Variants in LMNTD1 observed in about 807,000 individuals in gnomAD.
LMNTD1 encodes lamin tail domain-containing protein 1.
Under a neutral mutation model 50.9 loss-of-function variants are expected in LMNTD1, and 35 were observed. That is an observed-to-expected ratio of 0.69 (90% CI 0.53 to 0.91). The LOEUF (loss-of-function observed/expected upper bound fraction) is 0.91. Ranked by LOEUF, LMNTD1 falls within the 40% of genes least tolerant of loss-of-function variation. The probability of loss-of-function intolerance (pLI) is 0.00; values close to 1 mark genes in which losing one functional copy is unlikely to be tolerated. For missense variants in LMNTD1, 470 were observed against 475.5 expected (o/e 0.99, Z 0.11); for synonymous variants, 153 against 161.9 (o/e 0.94, Z 0.42).
intron 1 of LMNTD1, among the ~76,000 whole-genome samples, chr12:25,608,842 T>C (rs1946179517): frequency 6.6e-6 from 1 of 152,210 alleles, no homozygotes; most frequent in Non-Finnish European, 1.5e-5. Flanking sequence ...GCATTCTCTG[T>C]ATTTCCTGAA....
chr12:25,477,202 A>G (rs569562131), intron 9 of LMNTD1, among the ~76,000 whole-genome samples: 1 of 152,248 alleles, frequency 6.6e-6, no homozygotes, highest in Non-Finnish European at 1.5e-5. Context: ...AAGTTTGTCA[A>G]TGAAGAGAGA....
intron 6 of LMNTD1, among the ~76,000 whole-genome samples, chr12:25,522,480 G>C (rs1941391570): frequency 6.6e-6 from 1 of 152,188 alleles, no homozygotes. Flanking sequence ...AAATTATTGA[G>C]AGTTAGAAGA....
intron 1 of LMNTD1, among the ~76,000 whole-genome samples, chr12:25,636,629 T>G (rs1232010582): frequency 6.6e-6 from 1 of 152,178 alleles, no homozygotes; most frequent in Non-Finnish European, 1.5e-5. Context: ...ATCTCACTAC[T>G]GGGTATCTGC....
At chr12:25,499,369 T>C (rs1565942589) in intron 9 of LMNTD1, among the ~76,000 whole-genome samples, 1 of 152,200 alleles carries the variant, frequency 6.6e-6, no homozygotes, top group East Asian at 1.9e-4. Flanking sequence ...GAGGAAATTA[T>C]GAGAACTCAA....
At chr12:25,645,900 G>C (rs929791373) in intron 1 of LMNTD1, among the ~76,000 whole-genome samples, 1 of 152,156 alleles carries the variant, frequency 6.6e-6, no homozygotes, top group Non-Finnish European at 1.5e-5. Context: ...TGTCACTACT[G>C]CTGCATGGTA....
At chr12:25,593,979 G>A (rs188571162) in intron 1 of LMNTD1, among the ~76,000 whole-genome samples, 64 of 152,198 alleles carry the variant, frequency 4.2e-4, no homozygotes, top group African/African-American at 1.5e-3. Context: ...TTCAGAGCTC[G>A]AAGACAAGGT....
intron 1 of LMNTD1, among the ~76,000 whole-genome samples, chr12:25,570,244 T>C (rs1944732093): frequency 6.6e-6 from 1 of 152,162 alleles, no homozygotes; most frequent in Non-Finnish European, 1.5e-5. Context: ...TAGCTGCGAA[T>C]AAAAAATAAA....
Position 25,548,936 on chromosome 12 carries a change from G to A in LMNTD1, c.310+390C>T, listed in dbSNP as rs942615778. On this transcript the variant is annotated intron_variant, in intron 3 of 9. Coordinates refer to ENST00000458174, the MANE Select transcript of LMNTD1 (RefSeq NM_001145728.2). ...ATTCGTTACTTAAGCCATACATCTC[G>A]TAAAGGCACAAAATACACAATCCTT... is the stretch of plus-strand genomic sequence containing the variant. 4.0e-5 allele frequency among the ~76,000 whole-genome samples: 6 copies of A among 151,628 alleles called. No individual in the cohort carries two copies. The East Asian group carries it at 5.8e-4, about 15-fold the overall frequency.
chr12:25,533,011 A>T (rs1037517352), intron 4 of LMNTD1, among the ~76,000 whole-genome samples: 2 of 152,182 alleles, frequency 1.3e-5, no homozygotes. Context: ...GGATATTTAC[A>T]GTTGCTTTTC....
At chr12:25,527,675 TATATATACACACACACACACACACAC>T (rs1941881824) in intron 4 of LMNTD1, among the ~76,000 whole-genome samples, 1 of 22,004 alleles carries the variant, frequency 4.5e-5, no homozygotes, top group African/African-American at 1.2e-4. Flanking sequence ...TATATATATA[TATATATACACACACACACACACACAC>T]ACACACACAC....
chr12:25,525,550 G>C (rs2136077730), intron 6 of LMNTD1, among the ~76,000 whole-genome samples: 1 of 152,244 alleles, frequency 6.6e-6, no homozygotes, highest in South Asian at 2.1e-4. Flanking sequence ...AAGTTGAAGA[G>C]GCTTCTTAGG....
intron 1 of LMNTD1, among the ~76,000 whole-genome samples, chr12:25,602,972 C>A (rs573030476): frequency 6.6e-6 from 1 of 151,884 alleles, no homozygotes; most frequent in East Asian, 1.9e-4. Flanking sequence ...CAGCAATTTG[C>A]CAAACAGAAA....
chr12:25,639,591 C>T (rs1946909629), intron 1 of LMNTD1, among the ~76,000 whole-genome samples: 1 of 152,080 alleles, frequency 6.6e-6, no homozygotes, highest in African/African-American at 2.4e-5. Flanking sequence ...GAAATCAAAA[C>T]CACAATAAGA....
Position 25,493,240 on chromosome 12 carries a change from A to G in LMNTD1, c.*22+10498T>C, listed in dbSNP as rs578104036. Reference sequence around the variant, plus strand: ...ACATTATTTTCATGCTTAGTGTATAATAGATGCTCAAAAAATATCTGATGA... The same window carrying G: ...ACATTATTTTCATGCTTAGTGTATAGTAGATGCTCAAAAAATATCTGATGA... On this transcript the variant is annotated intron_variant, in intron 9 of 9. Coordinates refer to ENST00000458174, the MANE Select transcript of LMNTD1 (RefSeq NM_001145728.2). Among the ~76,000 whole-genome samples the G allele has an allele frequency of 9.8e-5, 15 of 152,348 alleles. No individual in the cohort carries two copies. In the South Asian group the frequency reaches 3.1e-3, roughly 32 times the overall value.
At chr12:25,519,608 A>AAAAAAAAAAAAAG (rs1941128354) in intron 7 of LMNTD1, among the ~76,000 whole-genome samples, 1 of 147,540 alleles carries the variant, frequency 6.8e-6, no homozygotes, top group African/African-American at 2.5e-5. Context: ...AAAAAAAAAA[A>AAAAAAAAAAAAAG]GTGAAATGGC....
intron 1 of LMNTD1, among the ~76,000 whole-genome samples, chr12:25,566,262 A>G (rs1944554277): frequency 1.3e-5 from 2 of 152,186 alleles, no homozygotes; most frequent in South Asian, 2.1e-4. Context: ...TCTAGTTCCT[A>G]TAAGTGTGCT....
intron 9 of LMNTD1, among the ~76,000 whole-genome samples, chr12:25,492,920 A>G (rs770762856): frequency 2.6e-5 from 4 of 152,138 alleles, no homozygotes; most frequent in African/African-American, 4.8e-5. Context: ...CTTTTATTCC[A>G]TATTCTAAAC....
chr12:25,566,287 T>A (rs1266326386), intron 1 of LMNTD1, among the ~76,000 whole-genome samples: 1 of 152,172 alleles, frequency 6.6e-6, no homozygotes, highest in African/African-American at 2.4e-5. Flanking sequence ...AGTTTTTTAT[T>A]CTTTTTTTCT....
intron 9 of LMNTD1, among the ~76,000 whole-genome samples, chr12:25,490,736 A>G (rs1938855529): frequency 6.6e-6 from 1 of 152,156 alleles, no homozygotes; most frequent in Non-Finnish European, 1.5e-5. Context: ...AATCAACAAG[A>G]ATCTATAAAG....
Sources: allele counts gnomAD v4.1 joint callset (sites outside exome capture counted in the v4.1 genomes callset), GRCh38; gene constraint gnomAD v4.1.1; transcripts MANE v1.5; gene names NCBI Gene and HGNC (gene_info 2026-07-23, HGNC 2026-07-21).